CSMD1: variants seen among roughly 807,000 people sequenced by gnomAD.
CSMD1 encodes the protein CUB and sushi domain-containing protein 1.
CSMD1 carries 213 observed loss-of-function variants against 417.5 expected under a neutral mutation model. That is an observed-to-expected ratio of 0.51 (90% CI 0.46 to 0.57). The LOEUF is 0.57. Among genes scored for constraint, CSMD1 ranks in the 20% least tolerant of loss-of-function variants. The pLI, the probability that CSMD1 is intolerant of heterozygous loss-of-function variation, is 0.00. For synonymous variants in CSMD1, 2,862 were observed against 1,736.8 expected (o/e 1.65, Z -16.11); for missense variants, 6,923 against 4,529.7 (o/e 1.53, Z -15.17).
Position 4,933,942 on chromosome 8 carries a change from A to G in CSMD1, c.85+60390T>C, listed in dbSNP as rs547121098. Among the ~76,000 whole-genome samples, 7 of 152,288 alleles carry G rather than the reference A, an allele frequency of 4.6e-5. No individual in the cohort carries two copies. In the South Asian group the frequency reaches 1.2e-3, roughly 27 times the overall value. ...AAATTTCATAATAGGCAGAATCACAATGTATTCATCTTTGCCCACACAGTC... is the reference window on the plus strand; with the variant it reads ...AAATTTCATAATAGGCAGAATCACAGTGTATTCATCTTTGCCCACACAGTC... On this transcript the variant is annotated intron_variant, in intron 1 of 69. Transcript: ENST00000635120.
chr8:3,923,797 C>T (rs966843834), intron 5 of CSMD1, among the ~76,000 whole-genome samples: 1 of 152,124 alleles, frequency 6.6e-6, no homozygotes, highest in African/African-American at 2.4e-5. Flanking sequence ...TCATAGTTAC[C>T]ACTGTTCTAC....
chr8:3,111,421 G>C (rs1267842938), intron 42 of CSMD1, among the ~76,000 whole-genome samples: 2 of 152,130 alleles, frequency 1.3e-5, no homozygotes, highest in East Asian at 3.9e-4. Context: ...AGTGAGGTTT[G>C]GAGTCAGACA....
intron 7 of CSMD1, among the ~76,000 whole-genome samples, chr8:3,701,008 C>A (rs1812157): frequency 2.0e-5 from 3 of 150,368 alleles, no homozygotes; most frequent in Admixed American, 6.6e-5. Context: ...TTGGGGGTAA[C>A]GAGAAAGGCT....
chr8:4,442,259 ATT>A (rs1204460293), intron 2 of CSMD1, among the ~76,000 whole-genome samples: 3 of 152,176 alleles, frequency 2.0e-5, no homozygotes, highest in African/African-American at 4.8e-5. Flanking sequence ...AATCTTTAAA[ATT>A]TTGTTTTTAT....
At chr8:4,487,938 A>C (rs1801498190) in intron 2 of CSMD1, among the ~76,000 whole-genome samples, 1 of 152,214 alleles carries the variant, frequency 6.6e-6, no homozygotes, top group South Asian at 2.1e-4. Flanking sequence ...CCTGTGTCGT[A>C]GACTGAATGT....
chr8:3,207,906 A>G (rs1797395641), intron 30 of CSMD1, among the ~76,000 whole-genome samples: 1 of 152,158 alleles, frequency 6.6e-6, no homozygotes, highest in Admixed American at 6.5e-5. Flanking sequence ...ATATTTCTAT[A>G]AGCTCAACTT....
intron 1 of CSMD1, among the ~76,000 whole-genome samples, chr8:4,713,522 C>T (rs999161840): frequency 6.6e-6 from 1 of 152,178 alleles, no homozygotes; most frequent in Non-Finnish European, 1.5e-5. Context: ...CTGCCTCAGC[C>T]TCCCGGGTAG....
intron 1 of CSMD1, among the ~76,000 whole-genome samples, chr8:4,806,213 A>G (rs1024836018): frequency 2.6e-5 from 4 of 152,300 alleles, no homozygotes; most frequent in African/African-American, 9.6e-5. Flanking sequence ...CCAGCTCTCT[A>G]GGTGCAATTT....
chr8:3,726,615 G>C (rs1437680815), intron 6 of CSMD1, among the ~76,000 whole-genome samples: 1 of 152,120 alleles, frequency 6.6e-6, no homozygotes, highest in South Asian at 2.1e-4. Context: ...CCTGTGTTAC[G>C]AGGGTAGGTA....
chr8:3,551,352 T>C (rs1171842087), intron 10 of CSMD1, among the ~76,000 whole-genome samples: 1 of 152,088 alleles, frequency 6.6e-6, no homozygotes. Context: ...ACTTTAGAGT[T>C]TGTGAGTCAT....
At chr8:3,664,796 C>A (rs1410808239) in intron 7 of CSMD1, among the ~76,000 whole-genome samples, 2 of 152,120 alleles carry the variant, frequency 1.3e-5, no homozygotes, top group African/African-American at 4.8e-5. Context: ...AAACTGTACA[C>A]AAAGCTATCA....
intron 11 of CSMD1, among the ~76,000 whole-genome samples, chr8:3,471,481 GTTCCTTCCTTCTTTCC>G (rs56920559): frequency 0.21 from 31,543 of 151,030 alleles, 3,776 homozygotes; most frequent in Non-Finnish European, 0.26. Context: ...ATCTGGCTTA[GTTCCTTCCTTCTTTCC>G]TTCCTTCCTT....
rs565584523 is a variant in CSMD1 at position 4,110,809 on chromosome 8, A to G, written c.416-78710T>C. On this transcript the variant is annotated intron_variant, in intron 3 of 69. Transcript: ENST00000635120. ...ATTTTCAAGAATATGTATGTTTTTA[A>G]ATGTTCTGCTTCTATTTCTACTTTT... Among the ~76,000 whole-genome samples, 11 of 152,248 alleles carry G rather than the reference A, an allele frequency of 7.2e-5. No homozygotes were observed. The South Asian group carries it at 1.7e-3, about 23-fold the overall frequency.
intron 3 of CSMD1, among the ~76,000 whole-genome samples, chr8:4,172,549 A>T (rs759898627): frequency 2.0e-5 from 3 of 152,122 alleles, no homozygotes; most frequent in Non-Finnish European, 4.4e-5. Context: ...CTTGCAGTGG[A>T]AAGTGAGGCT....
chr8:3,336,759 C>T (rs1431914207), intron 23 of CSMD1, among the ~76,000 whole-genome samples: 1 of 152,262 alleles, frequency 6.6e-6, no homozygotes, highest in East Asian at 1.9e-4. Flanking sequence ...AGAGTCCCGC[C>T]CCCAGCTGCA....
chr8:4,748,481 G>A (rs1413713336), intron 1 of CSMD1, among the ~76,000 whole-genome samples: 1 of 152,180 alleles, frequency 6.6e-6, no homozygotes, highest in African/African-American at 2.4e-5. Flanking sequence ...AGTGTGGCTG[G>A]CTGTGCGTCA....
chr8:3,517,753 G>T (rs527325845), intron 10 of CSMD1, among the ~76,000 whole-genome samples: 1 of 152,246 alleles, frequency 6.6e-6, no homozygotes, highest in East Asian at 1.9e-4. Flanking sequence ...TAATTAAAAT[G>T]AAGAATTCAA....
intron 26 of CSMD1, among the ~76,000 whole-genome samples, chr8:3,283,508 A>T (rs1802898004): frequency 6.6e-6 from 1 of 150,702 alleles, no homozygotes; most frequent in Admixed American, 6.6e-5. Flanking sequence ...AATTCCCTAA[A>T]ACAAAATTTT....
At chr8:4,928,937 G>T (rs530869357) in intron 1 of CSMD1, among the ~76,000 whole-genome samples, 14 of 152,060 alleles carry the variant, frequency 9.2e-5, no homozygotes, top group African/African-American at 3.4e-4. Context: ...CAGGCAGGTT[G>T]GTACATGCCT....
Sources: allele counts gnomAD v4.1 joint callset (sites outside exome capture counted in the v4.1 genomes callset), GRCh38; gene constraint gnomAD v4.1.1; transcripts MANE v1.5; gene names NCBI Gene and HGNC (gene_info 2026-07-23, HGNC 2026-07-21).